The following ZEB1 variants were observed in gnomAD, a reference collection of about 807,000 sequenced individuals.
The protein encoded by ZEB1 is zinc finger E-box-binding homeobox 1.
In ZEB1, 21 loss-of-function variants were observed where a neutral mutation model predicts 84.9. That is an observed-to-expected ratio of 0.25 (90% CI 0.18 to 0.36). ZEB1 has a LOEUF of 0.36. ZEB1 is among the 10% of genes least tolerant of loss of function. The pLI is 1.00. For missense variants in ZEB1, 1,104 were observed against 1,330.2 expected, an observed-to-expected ratio of 0.83 and a Z score of 2.65; for synonymous variants, 420 against 471.1, an observed-to-expected ratio of 0.89 and a Z score of 1.41.
chr10:31,375,299 G>A (rs1211648351), intron 1 of ZEB1, among the ~76,000 whole-genome samples: 2 of 151,738 alleles, frequency 1.3e-5, no homozygotes, highest in East Asian at 3.9e-4. Context: ...CTAGGAGAAA[G>A]ATGTCCTTCC....
intron 2 of ZEB1, among the ~76,000 whole-genome samples, chr10:31,491,095 G>T (rs757583747): frequency 1.3e-5 from 2 of 151,710 alleles, no homozygotes; most frequent in Non-Finnish European, 2.9e-5. Flanking sequence ...TTCATAAACA[G>T]CCTTATGAGG....
Position 31,319,250 on chromosome 10 carries a change from A to T in ZEB1, c.16A>T (p.Arg6Trp). 6.2e-7 allele frequency: 1 copy of T among 1,609,650 alleles called. No individual in the cohort carries two copies. Among genetic ancestry groups the T allele is most frequent in the Non-Finnish European group, 8.5e-7 (1 of 1,178,568 alleles). The stretch of plus-strand genomic sequence containing the variant: ...CGAGAGGATCATGGCGGATGGCCCC[A>T]GGTGTAAGCGCAGAAAGCAGGCGAA... MADGP[R>W]CKRRKQANPR... is the part of the protein sequence containing the mutation. Residue 6 changes from arginine (R) to tryptophan (W), a missense_variant, in exon 1 of 9, where the codon AGG (arginine) becomes TGG (tryptophan). By Grantham distance (101) the Arg-to-Trp change is moderately radical. Coordinates refer to ENST00000424869, the MANE Select transcript of ZEB1 (RefSeq NM_001174096.2).
Position 31,516,303 on chromosome 10 carries a change from T to C in ZEB1, c.793+1595T>C, listed in dbSNP as rs2071084807. 2.0e-5 allele frequency among the ~76,000 whole-genome samples: 3 copies of C among 152,030 alleles called. No homozygotes were observed. The South Asian group carries it at 6.2e-4, about 31-fold the overall frequency. On this transcript the variant is annotated intron_variant, in intron 6 of 8. Transcript: ENST00000424869. ...GTCCACTCATTATGTATGTACTTAT[T>C]TCTGTCTTGTTTTTAAAACATCTAA... is the stretch of plus-strand genomic sequence containing the variant.
chr10:31,503,242 A>G (rs1164350747), intron 4 of ZEB1, among the ~76,000 whole-genome samples: 1 of 152,100 alleles, frequency 6.6e-6, no homozygotes, highest in Non-Finnish European at 1.5e-5. Flanking sequence ...TGTCAGGTCC[A>G]TACAGTACGA....
At chr10:31,437,261 T>C (rs1251387658) in intron 1 of ZEB1, among the ~76,000 whole-genome samples, 1 of 152,182 alleles carries the variant, frequency 6.6e-6, no homozygotes, top group African/African-American at 2.4e-5. Context: ...ATACTTCATG[T>C]ATATTACTCA....
chr10:31,466,611 T>C (rs1564981196), intron 2 of ZEB1, among the ~76,000 whole-genome samples: 1 of 152,132 alleles, frequency 6.6e-6, no homozygotes, highest in East Asian at 1.9e-4. Context: ...GCAAAAGCAG[T>C]TCTAAAAGAG....
chr10:31,475,255 T>C (rs1255022810), intron 2 of ZEB1, among the ~76,000 whole-genome samples: 1 of 150,040 alleles, frequency 6.7e-6, no homozygotes, highest in African/African-American at 2.5e-5. Flanking sequence ...AGACAAAAAA[T>C]AAGTTTTGTA....
At chr10:31,382,101 C>G (rs550629035) in intron 1 of ZEB1, among the ~76,000 whole-genome samples, 4 of 151,688 alleles carry the variant, frequency 2.6e-5, no homozygotes, top group Non-Finnish European at 4.4e-5. Flanking sequence ...GCCTGGATCC[C>G]GTGACTTACA....
chr10:31,417,789 C>T (rs192756383), intron 1 of ZEB1, among the ~76,000 whole-genome samples: 19 of 151,834 alleles, frequency 1.3e-4, no homozygotes, highest in Non-Finnish European at 1.6e-4. Flanking sequence ...TCATAAAGTG[C>T]TTGATTCAGT....
At chr10:31,382,974 A>G (rs754397068) in intron 1 of ZEB1, among the ~76,000 whole-genome samples, 2 of 152,100 alleles carry the variant, frequency 1.3e-5, no homozygotes, top group African/African-American at 2.4e-5. Flanking sequence ...AATATTTGCA[A>G]GTAAGCAGTG....
intron 1 of ZEB1, among the ~76,000 whole-genome samples, chr10:31,347,573 T>C (rs982109398): frequency 6.6e-6 from 1 of 152,158 alleles, no homozygotes; most frequent in African/African-American, 2.4e-5. Context: ...TTTTTGTAAC[T>C]TGTTGCCTCC....
At chr10:31,329,571 G>T (rs1271738227) in intron 1 of ZEB1, among the ~76,000 whole-genome samples, 1 of 152,018 alleles carries the variant, frequency 6.6e-6, no homozygotes, top group Admixed American at 6.6e-5. Context: ...TATAGTACAG[G>T]TAACTGTACT....
chr10:31,319,191 G>C (rs771853211), upstream of ZEB1: 19 of 1,515,640 alleles, frequency 1.3e-5, no homozygotes, highest in East Asian at 4.4e-4. Flanking sequence ...GGGGGAGGGA[G>C]GGGGAGGAGG....
intron 1 of ZEB1, among the ~76,000 whole-genome samples, chr10:31,437,150 AAGAG>A (rs1393163466): frequency 6.6e-6 from 1 of 152,226 alleles, no homozygotes; most frequent in African/African-American, 2.4e-5. Flanking sequence ...CAAGGCATAA[AAGAG>A]AGATTAATAT....
At chr10:31,400,951 A>G (rs1462718600) in intron 1 of ZEB1, among the ~76,000 whole-genome samples, 1 of 152,174 alleles carries the variant, frequency 6.6e-6, no homozygotes, top group Non-Finnish European at 1.5e-5. Flanking sequence ...ATGTTTCATT[A>G]TAGTCTTTTT....
intron 1 of ZEB1, among the ~76,000 whole-genome samples, chr10:31,380,787 A>G (rs1228543812): frequency 1.3e-5 from 2 of 152,222 alleles, no homozygotes; most frequent in Non-Finnish European, 2.9e-5. Context: ...TGCAAGGACC[A>G]CATAGCACCT....
intron 2 of ZEB1, among the ~76,000 whole-genome samples, chr10:31,489,325 A>AT (rs1301253719): frequency 1.3e-5 from 2 of 151,310 alleles, no homozygotes; most frequent in Non-Finnish European, 3.0e-5. Context: ...TCATGATAGA[A>AT]TTTTTTATCC....
chr10:31,513,619 G>T (rs1435948319), intron 5 of ZEB1, among the ~76,000 whole-genome samples: 1 of 152,186 alleles, frequency 6.6e-6, no homozygotes, highest in African/African-American at 2.4e-5. Context: ...AAGGAAGGGA[G>T]ATTCCAGCTG....
intron 4 of ZEB1, among the ~76,000 whole-genome samples, chr10:31,507,729 T>G (rs1388143799): frequency 6.6e-6 from 1 of 152,112 alleles, no homozygotes; most frequent in Non-Finnish European, 1.5e-5. Context: ...ATATCCTGAT[T>G]TGTTTTTCTG....
Sources: allele counts gnomAD v4.1 joint callset (sites outside exome capture counted in the v4.1 genomes callset), GRCh38; gene constraint gnomAD v4.1.1; transcripts MANE v1.5; gene names NCBI Gene and HGNC (gene_info 2026-07-23, HGNC 2026-07-21).